The following KLRC3 variants were observed in gnomAD, a reference collection of about 807,000 sequenced individuals.
KLRC3 encodes NKG2-E type II integral membrane protein.
In KLRC3, 16 loss-of-function variants were observed where a neutral mutation model predicts 23.6. The observed-to-expected ratio is 0.68, with a 90% confidence interval of 0.46 to 1.03. The LOEUF is 1.03. Among genes scored for constraint, KLRC3 ranks in the 50% least tolerant of loss-of-function variants. The pLI is 0.00. For missense variants in KLRC3, 209 were observed against 232.2 expected, an observed-to-expected ratio of 0.90 and a Z score of 0.65; for synonymous variants, 70 against 71.8, an observed-to-expected ratio of 0.98 and a Z score of 0.13.
intron 6 of KLRC3, among the ~76,000 whole-genome samples, chr12:10,413,067 A>G (rs1591599364): frequency 2.0e-5 from 3 of 152,190 alleles, no homozygotes; most frequent in Admixed American, 1.3e-4. Flanking sequence ...GACAGTTGAA[A>G]TGTAGCTATT....
At chr12:10,412,725 T>C in intron 6 of KLRC3, 109 bp from the exon 7 acceptor site, 1 of 629,860 alleles carries the variant, frequency 1.6e-6, no homozygotes, top group South Asian at 1.7e-5. Context: ...AGGTCGAGGC[T>C]GCAGTGAGCC....
rs375130045 is a variant in KLRC3, at chr12:10,412,498, G to A, written c.*74C>T. The A allele has an allele frequency of 2.9e-6, 2 of 700,494 alleles. No individual in the cohort carries two copies. Among genetic ancestry groups the A allele is most frequent in the African/African-American group, 3.5e-5 (2 of 56,992 alleles). The allele number at this position is 700,494 out of a possible 1,614,324, so 43.4% of individuals were successfully genotyped here. A position where few individuals can be genotyped will look rare whatever the true frequency, so the allele number is the denominator to read the frequency against. ...TTAAAACACAAGCTAAATGGTACAT[G>A]AGCACTCAGGGGCGGTGGCTTGTGT... On this transcript the variant is annotated 3_prime_UTR_variant, in exon 7 of 7. Transcript: ENST00000396439.
intron 6 of KLRC3, 80 bp from the exon 7 acceptor site, chr12:10,412,696 C>A (rs1170379927): frequency 1.9e-5 from 13 of 671,868 alleles, no homozygotes; most frequent in Non-Finnish European, 3.5e-5. Context: ...GTGGGAGGAT[C>A]GCTTGAGCCT....
chr12:10,412,921 T>C (rs1437918177), intron 6 of KLRC3, among the ~76,000 whole-genome samples: 2 of 152,132 alleles, frequency 1.3e-5, no homozygotes, highest in Admixed American at 1.3e-4. Flanking sequence ...TGATGCTTAA[T>C]ACAAGACAGG....
intron 2 of KLRC3, chr12:10,419,473 G>T (rs1318665269): frequency 7.8e-6 from 4 of 512,584 alleles, no homozygotes; most frequent in Non-Finnish European, 1.4e-5. Context: ...TATTTATGTT[G>T]TGAAAAATTC....
rs530565434 is a variant in KLRC3, at chr12:10,412,735, C to G, written c.679-119G>C. ...AGGTGAGGTCGAGGCTGCAGTGAGCCGAGATGAAATTTACTGAAATTGGGG... is the reference window on the plus strand; with the variant it reads ...AGGTGAGGTCGAGGCTGCAGTGAGCGGAGATGAAATTTACTGAAATTGGGG... On this transcript the variant is annotated intron_variant, in intron 6 of 6. Transcript: ENST00000396439. 5.0e-6 allele frequency: 3 copies of G among 599,964 alleles called. No homozygotes were observed. The East Asian group carries it at 9.6e-5, about 19-fold the overall frequency. 37.2% of individuals were successfully genotyped at this position (599,964 alleles called of 1,614,324 possible).
chr12:10,416,548 CA>C (rs757215136), intron 5 of KLRC3, 118 bp downstream of exon 5: 16 of 1,237,174 alleles, frequency 1.3e-5, no homozygotes, highest in Non-Finnish European at 1.7e-5. Context: ...TTTGTATCAA[CA>C]TTTCACTAAC....
intron 6 of KLRC3, among the ~76,000 whole-genome samples, chr12:10,415,320 C>T (rs1863624796): frequency 6.6e-6 from 1 of 152,166 alleles, no homozygotes; most frequent in South Asian, 2.1e-4. Flanking sequence ...CACAAAGAAA[C>T]ATTCTAGCAA....
At chr12:10,414,451 G>A (rs1863611814) in intron 6 of KLRC3, among the ~76,000 whole-genome samples, 1 of 151,776 alleles carries the variant, frequency 6.6e-6, no homozygotes, top group African/African-American at 2.4e-5. Flanking sequence ...TATGATACAT[G>A]TAAAATTTGA....
At chr12:10,413,494 C>T (rs2137854163) in intron 6 of KLRC3, among the ~76,000 whole-genome samples, 1 of 152,174 alleles carries the variant, frequency 6.6e-6, no homozygotes, top group African/African-American at 2.4e-5. Context: ...AAATATAGTA[C>T]CTCAAATAGA....
chr12:10,412,401 T>C lies in KLRC3; in HGVS notation c.*171A>G, dbSNP rs1863588333. On this transcript the variant is annotated 3_prime_UTR_variant, in exon 7 of 7. Transcript: ENST00000396439. ...TAAATGACTAATGCTTAAATCAAAC[T>C]ATATAGAGAGGGAAAAGTAATTTTT... The C allele has an allele frequency of 4.9e-6, 3 of 608,000 alleles. No homozygotes were observed. The allele number at this position is 608,000 out of a possible 1,614,324, so 37.7% of individuals were successfully genotyped here.
At chr12:10,418,200 C>A in intron 4 of KLRC3, 144 bp downstream of exon 4, 1 of 840,422 alleles carries the variant, frequency 1.2e-6, no homozygotes, top group South Asian at 2.1e-5. Context: ...ACTTTAAAAA[C>A]ATTATTAAGT....
chr12:10,417,491 G>A (rs1320403996), intron 4 of KLRC3, among the ~76,000 whole-genome samples: 3 of 152,154 alleles, frequency 2.0e-5, no homozygotes, highest in Admixed American at 1.3e-4. Flanking sequence ...GCAATAGGAG[G>A]AGGGTATCGA....
chr12:10,412,571 C>G lies in KLRC3; in HGVS notation c.*1G>C. On this transcript the variant is annotated 3_prime_UTR_variant, in exon 7 of 7. Transcript: ENST00000396439. The stretch of plus-strand genomic sequence containing the variant: ...GGCCAAGATGTGTTGATTTCTTGAG[C>G]TCAGGAGTTCAAGACCAGCCTGGTC... 1 of 701,524 alleles carries G rather than the reference C, an allele frequency of 1.4e-6. No homozygotes were observed. The highest frequency in any genetic ancestry group is 2.6e-6 in the Non-Finnish European group (1 of 384,606). 43.5% of individuals were successfully genotyped at this position (701,524 alleles called of 1,614,324 possible).
chr12:10,419,610 A>C, intron 2 of KLRC3: 3 of 1,114,958 alleles, frequency 2.7e-6, no homozygotes, highest in Non-Finnish European at 3.7e-6. Context: ...TAGAAAAATT[A>C]AAATGATTTT....
intron 6 of KLRC3, chr12:10,415,480 C>G (rs555954357): frequency 2.9e-6 from 2 of 693,712 alleles, no homozygotes; most frequent in African/African-American, 3.7e-5. Context: ...ACAAACATCA[C>G]GTTCAGCAAA....
chr12:10,418,476 A>G lies in KLRC3; in HGVS notation c.354T>C (p.Pro118=). The change falls in exon 4 of 7, where the codon CCT becomes CCC. Residue 118 remains proline (P), a synonymous_variant. Transcript: ENST00000396439. ...TQKARHCGHC[P]EEWITYSNSC... is the part of the protein sequence containing the mutation. Reference sequence around the variant, plus strand: ...TGTTGGAATATGTAATCCACTCCTCAGGACAATGGCCACAATGACGTGCTA... The same window carrying G: ...TGTTGGAATATGTAATCCACTCCTCGGGACAATGGCCACAATGACGTGCTA... 1 of 1,596,528 alleles carries G rather than the reference A, an allele frequency of 6.3e-7. No homozygotes were observed. The highest frequency in any genetic ancestry group is 8.6e-7 in the Non-Finnish European group (1 of 1,164,916).
In KLRC3 at chr12:10,418,389, T is replaced by C. The variant is rs555496450; in HGVS notation, c.441A>G (p.Ser147=). The C allele has an allele frequency of 1.2e-6, 2 of 1,612,168 alleles. No homozygotes were observed. Among genetic ancestry groups the C allele is most frequent in the Non-Finnish European group, 1.7e-6 (2 of 1,178,358 alleles). ...TACAAAGCAGACTAGAAGAGTTCTT[T>C]GAAGCACAGGCCTGCAAACTCTCTT... is the stretch of plus-strand genomic sequence containing the variant. The part of the protein sequence containing the change: ...TWEESLQACA[S]KNSSSLLCID... Residue 147 remains serine, a synonymous_variant, in exon 4 of 7, where the codon TCA becomes TCG. Transcript: ENST00000396439.
At chr12:10,416,541 G>T in intron 5 of KLRC3, 126 bp downstream of exon 5, 3 of 1,175,546 alleles carry the variant, frequency 2.6e-6, no homozygotes, top group African/African-American at 3.1e-5. Context: ...TAAAATATTT[G>T]TATCAACATT....
Sources: gnomAD v4.1 joint callset for allele counts (sites outside exome capture counted in the v4.1 genomes callset) on GRCh38, gnomAD v4.1.1 for gene constraint, MANE v1.5 for transcripts, NCBI Gene and HGNC (gene_info 2026-07-23, HGNC 2026-07-21) for gene names.